Variants in MPND observed in about 807,000 individuals in gnomAD.
The protein encoded by MPND is MPN domain-containing protein.
MPND carries 56 observed loss-of-function variants against 59.2 expected under a neutral mutation model. The ratio of observed to expected loss-of-function variants is 0.95; its 90% CI spans 0.76 to 1.18. The LOEUF (loss-of-function observed/expected upper bound fraction) is 1.18, where lower values mean the gene tolerates loss of function less well. Ranked by LOEUF, MPND falls within the 50% of genes most tolerant of loss-of-function variation. MPND has a pLI of 0.00. For missense variants in MPND, 671 were observed against 676.0 expected (o/e 0.99, Z 0.08); for synonymous variants, 323 against 291.9 (o/e 1.11, Z -1.09).
chr19:4,344,023 G>T, intron 2 of MPND, 29 bp downstream of exon 2: 1 of 1,282,632 alleles, frequency 7.8e-7, no homozygotes. Flanking sequence ...TCGTCCCATC[G>T]CGGCTCGGGC....
intron 12 of MPND, 136 bp downstream of exon 12, chr19:4,359,391 TCACCCCGTGGC>T (rs1036370786): frequency 1.6e-6 from 1 of 641,634 alleles, no homozygotes; most frequent in African/African-American, 1.8e-5. Flanking sequence ...GTGACCCTGG[TCACCCCGTGGC>T]CACCCCAGCA....
chr19:4,349,302 C>T (rs941760308), intron 3 of MPND, among the ~76,000 whole-genome samples: 1 of 152,174 alleles, frequency 6.6e-6, no homozygotes, highest in African/African-American at 2.4e-5. Flanking sequence ...TCTCGAACTC[C>T]TGACCTCAAG....
At chr19:4,352,353 A>G (rs552449383) in intron 3 of MPND, among the ~76,000 whole-genome samples, 6 of 152,298 alleles carry the variant, frequency 3.9e-5, no homozygotes, top group East Asian at 1.9e-4. Flanking sequence ...ATAAATGGCA[A>G]TGGTGCTCAC....
intron 8 of MPND, chr19:4,356,552 A>G (rs992901356): frequency 6.6e-6 from 1 of 152,192 alleles, no homozygotes; most frequent in African/African-American, 2.4e-5. Flanking sequence ...ATCTAAGAAC[A>G]TAAAAAGTGA....
chr19:4,353,839 T>G (rs938634190), intron 4 of MPND: 15 of 512,170 alleles, frequency 2.9e-5, no homozygotes, highest in African/African-American at 2.9e-4. Flanking sequence ...AAAAAATTTC[T>G]TCTTTGTAAA....
At chr19:4,353,863 C>A in intron 4 of MPND, 182 bp from the exon 5 acceptor site, 1 of 567,920 alleles carries the variant, frequency 1.8e-6, no homozygotes, top group East Asian at 2.9e-5. Context: ...GAGTCTCACT[C>A]TGTAACTCAG....
chr19:4,345,110 T>C (rs1407971634), intron 2 of MPND, among the ~76,000 whole-genome samples: 189 of 122,358 alleles, frequency 1.5e-3, no homozygotes, highest in Middle Eastern at 6.6e-3. Context: ...TGCAGTAGCA[T>C]GATCTCGGCT....
chr19:4,354,760 A>T (rs1972396623), intron 6 of MPND, among the ~76,000 whole-genome samples, 189 bp from the exon 7 acceptor site: 2 of 152,190 alleles, frequency 1.3e-5, no homozygotes, highest in Admixed American at 6.5e-5. Flanking sequence ...GCTACCTGAG[A>T]GGCTGAGACA....
At position 4,343,610 on chromosome 19, in the gene MPND, G is replaced by A. The variant is rs1380344410; in HGVS notation, c.7+10G>A. ...GGCGCGGCCATGGCAGGTACGGCGG[G>A]CCCAGCGGGGCGGAGGCGCGGGGCG... On this transcript the variant is annotated intron_variant, in intron 1 of 12. Coordinates refer to ENST00000599840, the MANE Select transcript of MPND (RefSeq NM_001300862.2). 3.4e-5 allele frequency: 41 copies of A among 1,207,616 alleles called. No homozygotes were observed. Among genetic ancestry groups the A allele is most frequent in the Admixed American group, 4.4e-5 (1 of 22,882 alleles). The allele number at this position is 1,207,616 out of a possible 1,614,324, so 74.8% of individuals were successfully genotyped here.
Position 4,359,258 on chromosome 19 carries a change from G to A in MPND, c.1419+3G>A, listed in dbSNP as rs564038440. The A allele has an allele frequency of 8.6e-5, 138 of 1,612,064 alleles. 1 individual carries two copies. The South Asian group carries it at 1.4e-3, about 16-fold the overall frequency. ...ACACCTACCTCGACAAGCTTAAGGT[G>A]AGCCCCAAGTCCCCGCAGACCTCCT... On this transcript the variant is annotated splice_donor_region_variant and intron_variant, in intron 12 of 12. Transcript: ENST00000599840.
intron 8 of MPND, 58 bp from the exon 9 acceptor site, chr19:4,357,195 T>C: frequency 6.6e-7 from 1 of 1,509,476 alleles, no homozygotes; most frequent in Non-Finnish European, 8.9e-7. Context: ...GCCAGCCACA[T>C]AAGCTCACTA....
rs748687076 is a variant in MPND, at chr19:4,359,163, A to G, written c.1327A>G (p.Met443Val). ...GAGTCCATGCTCCTCTGTCCTGTAG[A>G]TGCTGCTGGTGGAGTTCTACAAGGG... The part of the protein sequence containing the change: ...FLTNDILHEM[M>V]LLVEFYKGSP... Residue 443 changes from methionine to valine, a missense_variant and splice_region_variant, in exon 12 of 13, where the codon ATG (methionine) becomes GTG (valine). Coordinates refer to ENST00000599840, the MANE Select transcript of MPND (RefSeq NM_001300862.2). 16 of 1,612,064 alleles carry G rather than the reference A, an allele frequency of 9.9e-6. No homozygotes were observed. The highest frequency in any genetic ancestry group is 3.3e-5 in the South Asian group (3 of 91,062).
Position 4,354,025 on chromosome 19 carries a change from C to A in MPND, c.665-20C>A. 1 of 1,607,328 alleles carries A rather than the reference C, an allele frequency of 6.2e-7. No homozygotes were observed. Among genetic ancestry groups the A allele is most frequent in the Non-Finnish European group, 8.5e-7 (1 of 1,174,576 alleles). ...TAACTTGGGCTGGGGAGGGACTGAC[C>A]CTGCCTTTTTCTCTCCCAGAGGCCA... On this transcript the variant is annotated intron_variant, in intron 4 of 12. Coordinates refer to ENST00000599840, the MANE Select transcript of MPND (RefSeq NM_001300862.2).
At chr19:4,344,151 A>T (rs1383529576) in intron 2 of MPND, among the ~76,000 whole-genome samples, 157 bp downstream of exon 2, 1 of 139,474 alleles carries the variant, frequency 7.2e-6, no homozygotes, top group Non-Finnish European at 1.6e-5. Flanking sequence ...TGGCGAGGGG[A>T]AACTGAGGCC....
Position 4,355,091 on chromosome 19 carries a change from C to T in MPND, c.920-6C>T. On this transcript the variant is annotated splice_polypyrimidine_tract_variant and splice_region_variant and intron_variant, in intron 7 of 12. Transcript: ENST00000599840. ...GTCACGGGGTCACAGCTGCCCCTCC[C>T]CACAGTGCTGACGGTGCTCAGAGCC... The T allele has an allele frequency of 6.2e-7, 1 of 1,613,972 alleles. No homozygotes were observed. Among genetic ancestry groups the T allele is most frequent in the Non-Finnish European group, 8.5e-7 (1 of 1,179,994 alleles).
At chr19:4,358,661 C>T (rs1026724293) in intron 11 of MPND, among the ~76,000 whole-genome samples, 28 of 152,262 alleles carry the variant, frequency 1.8e-4, no homozygotes, top group African/African-American at 6.3e-4. Flanking sequence ...GTGGCGGGTG[C>T]CTATAGTCCT....
intron 3 of MPND, among the ~76,000 whole-genome samples, chr19:4,346,832 C>G (rs1203619519): frequency 6.6e-6 from 1 of 151,958 alleles, no homozygotes; most frequent in African/African-American, 2.4e-5. Context: ...GAGATCCAGA[C>G]CAGCCTGGCC....
In MPND at chr19:4,357,351, A is replaced by G; in HGVS notation, c.1095A>G (p.Ala365=). The change falls in exon 9 of 13, where the codon GCA becomes GCG. Residue 365 remains alanine, a synonymous_variant. Transcript: ENST00000599840. ...TGCCATCTCTGCAGGACATCGACGC[A>G]CAGATGGACTACCAGCTGCGGCTGC... ...PALPSLQDID[A]QMDYQLRLQG... is the part of the protein sequence containing the mutation. The G allele has an allele frequency of 5.0e-6, 8 of 1,613,262 alleles. No individual in the cohort carries two copies. Among genetic ancestry groups the G allele is most frequent in the Non-Finnish European group, 6.8e-6 (8 of 1,179,998 alleles).
chr19:4,344,665 G>C (rs1184264467), intron 2 of MPND, among the ~76,000 whole-genome samples: 1 of 151,824 alleles, frequency 6.6e-6, no homozygotes, highest in Non-Finnish European at 1.5e-5. Flanking sequence ...TTAGGGGATG[G>C]TTAAATGAAT....
Sources: allele counts gnomAD v4.1 joint callset (sites outside exome capture counted in the v4.1 genomes callset), GRCh38; gene constraint gnomAD v4.1.1; transcripts MANE v1.5; gene names NCBI Gene and HGNC (gene_info 2026-07-23, HGNC 2026-07-21).